Variants in VWA3B observed in about 807,000 individuals in gnomAD.
The protein encoded by VWA3B is von Willebrand factor A domain containing 3B.
In VWA3B, 138 loss-of-function variants were observed where a neutral mutation model predicts 158.3. The observed-to-expected ratio is 0.87, with a 90% CI of 0.76 to 1.00. The LOEUF is 1.00. VWA3B is among the 50% of genes least tolerant of loss of function. The probability of loss-of-function intolerance (pLI) is 0.00; values close to 1 mark genes in which losing one functional copy is unlikely to be tolerated. For synonymous variants in VWA3B, 596 were observed against 587.3 expected, an observed-to-expected ratio of 1.01 and a Z score of -0.21; for missense variants, 1,555 against 1,565.1, an observed-to-expected ratio of 0.99 and a Z score of 0.11.
intron 26 of VWA3B, among the ~76,000 whole-genome samples, chr2:98,304,598 G>A (rs1283272593): frequency 6.6e-6 from 1 of 152,092 alleles, no homozygotes; most frequent in Non-Finnish European, 1.5e-5. Context: ...CCACTTCTGG[G>A]CTTATGGAAG....
intron 14 of VWA3B, among the ~76,000 whole-genome samples, chr2:98,224,283 C>T (rs1011996100): frequency 6.6e-6 from 1 of 151,802 alleles, no homozygotes; most frequent in Non-Finnish European, 1.5e-5. Context: ...GAAGAAAGAG[C>T]AGAAATATGG....
At chr2:98,225,867 A>G (rs1309558429) in intron 14 of VWA3B, among the ~76,000 whole-genome samples, 2 of 152,250 alleles carry the variant, frequency 1.3e-5, no homozygotes, top group Non-Finnish European at 2.9e-5. Flanking sequence ...TGAAATATTT[A>G]TGCACCTAAA....
intron 14 of VWA3B, among the ~76,000 whole-genome samples, 199 bp downstream of exon 14, chr2:98,218,227 A>G (rs1684201079): frequency 6.6e-6 from 1 of 152,198 alleles, no homozygotes; most frequent in Non-Finnish European, 1.5e-5. Context: ...ACCTGAGCAG[A>G]TTCCTGCATC....
chr2:98,207,521 T>C (rs1683123363), intron 12 of VWA3B: 5 of 517,644 alleles, frequency 9.7e-6, no homozygotes, highest in Non-Finnish European at 1.9e-5. Flanking sequence ...TGAATGTGGA[T>C]AATACAACGT....
intron 19 of VWA3B, among the ~76,000 whole-genome samples, chr2:98,238,440 G>T (rs1685852117): frequency 6.6e-6 from 1 of 152,182 alleles, no homozygotes; most frequent in African/African-American, 2.4e-5. Flanking sequence ...ATTCTCTGCA[G>T]TTATATTACT....
intron 21 of VWA3B, among the ~76,000 whole-genome samples, chr2:98,258,788 T>C (rs1031516353): frequency 6.6e-6 from 1 of 151,874 alleles, no homozygotes; most frequent in African/African-American, 2.4e-5. Flanking sequence ...AGAAATAATT[T>C]TACTTCTTTC....
intron 2 of VWA3B, among the ~76,000 whole-genome samples, chr2:98,103,300 C>T (rs967559880): frequency 2.6e-5 from 4 of 152,056 alleles, no homozygotes; most frequent in African/African-American, 9.7e-5. Flanking sequence ...CTGACTTAAT[C>T]ATCATTATTT....
At chr2:98,211,055 C>T (rs1683465871) in intron 12 of VWA3B, among the ~76,000 whole-genome samples, 2 of 152,200 alleles carry the variant, frequency 1.3e-5, no homozygotes, top group Admixed American at 1.3e-4. Context: ...GCAGCGGGGC[C>T]CCCACCAGGC....
chr2:98,249,670 C>G (rs1025679533), intron 19 of VWA3B, among the ~76,000 whole-genome samples: 13 of 152,020 alleles, frequency 8.6e-5, no homozygotes, highest in African/African-American at 2.7e-4. Context: ...GAAGTAAGTA[C>G]CAGGCACAGA....
downstream of VWA3B, among the ~76,000 whole-genome samples, chr2:98,315,701 G>A (rs1438175066): frequency 6.6e-6 from 1 of 152,160 alleles, no homozygotes; most frequent in Non-Finnish European, 1.5e-5. Context: ...ATAAAAGGTG[G>A]ATGGGTTGTA....
intron 2 of VWA3B, among the ~76,000 whole-genome samples, chr2:98,109,378 T>A (rs1048116507): frequency 2.0e-5 from 3 of 152,224 alleles, no homozygotes; most frequent in Admixed American, 2.0e-4. Context: ...TATCAAAATC[T>A]ACTGATGTCA....
At chr2:98,298,646 G>T (rs1307486050) in intron 24 of VWA3B, among the ~76,000 whole-genome samples, 2 of 152,218 alleles carry the variant, frequency 1.3e-5, no homozygotes, top group Non-Finnish European at 2.9e-5. Context: ...AATGTCAGTT[G>T]TCCAGGGGTG....
At chr2:98,236,902 G>A (rs1243327186) in intron 19 of VWA3B, 172 bp downstream of exon 19, 10 of 908,468 alleles carry the variant, frequency 1.1e-5, no homozygotes, top group African/African-American at 5.0e-5. Context: ...GAATTTGGGC[G>A]CGGTGGCGCA....
intron 13 of VWA3B, among the ~76,000 whole-genome samples, chr2:98,212,405 A>G (rs929688300): frequency 6.6e-6 from 1 of 152,194 alleles, no homozygotes. Context: ...GTCACTGCAT[A>G]ATGTCCTTGG....
chr2:98,301,341 A>C (rs1164415976), intron 25 of VWA3B, among the ~76,000 whole-genome samples: 1 of 152,142 alleles, frequency 6.6e-6, no homozygotes, highest in Non-Finnish European at 1.5e-5. Context: ...GAATTATATG[A>C]ACATTCACTC....
chr2:98,092,881 G>C (rs1278164459), intron 1 of VWA3B, among the ~76,000 whole-genome samples, 180 bp from the exon 2 acceptor site: 1 of 99,008 alleles, frequency 1.0e-5, no homozygotes, highest in African/African-American at 3.7e-5. Context: ...GAACTTTATG[G>C]ATACCTCTTA....
chr2:98,234,273 A>AATCT, intron 16 of VWA3B, among the ~76,000 whole-genome samples: 1 of 152,338 alleles, frequency 6.6e-6, no homozygotes, highest in South Asian at 2.1e-4. Flanking sequence ...AGAGGAATTC[A>AATCT]ATGTGCTATT....
chr2:98,299,951 A>G (rs1690069787), intron 24 of VWA3B, 128 bp from the exon 25 acceptor site: 1 of 1,285,198 alleles, frequency 7.8e-7, no homozygotes, highest in Non-Finnish European at 1.1e-6. Context: ...TAACTGAGAA[A>G]AAAAATATCT....
At chr2:98,322,656 G>T in the VWA3B span, among the ~76,000 whole-genome samples, 40 of 152,334 alleles carry the variant, frequency 2.6e-4, no homozygotes, top group East Asian at 5.0e-3. Context: ...TGTGCAGCTT[G>T]GGCAGCAGTA....
Sources: gnomAD v4.1 joint callset for allele counts (sites outside exome capture counted in the v4.1 genomes callset) on GRCh38, gnomAD v4.1.1 for gene constraint, MANE v1.5 for transcripts, NCBI Gene and HGNC (gene_info 2026-07-23, HGNC 2026-07-21) for gene names.